The following SMAD1 variants were observed in gnomAD, a reference collection of about 807,000 sequenced individuals.
The protein encoded by SMAD1 is MAD, mothers against decapentaplegic homolog 1.
A neutral mutation model predicts 41.6 loss-of-function variants in SMAD1; 6 were observed. The ratio of observed to expected loss-of-function variants is 0.14; its 90% CI spans 0.08 to 0.28. The LOEUF (loss-of-function observed/expected upper bound fraction) is 0.28, where lower values mean the gene tolerates loss of function less well. Among genes scored for constraint, SMAD1 ranks in the 10% least tolerant of loss-of-function variants. The pLI is 1.00. For missense variants in SMAD1, 379 were observed against 582.6 expected (o/e 0.65, Z 3.60); for synonymous variants, 206 against 203.2 (o/e 1.01, Z -0.12).
chr4:145,530,042 A>G (rs1163486312), intron 2 of SMAD1, among the ~76,000 whole-genome samples: 2 of 152,234 alleles, frequency 1.3e-5, no homozygotes, highest in Non-Finnish European at 2.9e-5. Context: ...TTACAAACAT[A>G]TTGAAAAAAC....
intron 1 of SMAD1, among the ~76,000 whole-genome samples, chr4:145,484,996 T>C (rs903106202): frequency 6.6e-6 from 1 of 152,222 alleles, no homozygotes; most frequent in Admixed American, 6.5e-5. Flanking sequence ...TTTCTGACAA[T>C]CCTTATTTAG....
intron 2 of SMAD1, chr4:145,517,137 C>G (rs1447121804): frequency 6.6e-6 from 1 of 152,188 alleles, no homozygotes; most frequent in African/African-American, 2.4e-5. Context: ...CTACTTTTCC[C>G]TACTCTTGAG....
intron 1 of SMAD1, among the ~76,000 whole-genome samples, chr4:145,510,492 T>C (rs1730019217): frequency 6.6e-6 from 1 of 152,168 alleles, no homozygotes; most frequent in Non-Finnish European, 1.5e-5. Flanking sequence ...CCTCTATAAT[T>C]TCTTCTTTGA....
At chr4:145,528,820 G>A (rs372209176) in intron 2 of SMAD1, among the ~76,000 whole-genome samples, 5 of 152,174 alleles carry the variant, frequency 3.3e-5, no homozygotes, top group African/African-American at 9.7e-5. Context: ...ACCATAGCAC[G>A]GTGGCTAAGA....
At chr4:145,536,878 G>A (rs1386592245) in intron 2 of SMAD1, among the ~76,000 whole-genome samples, 1 of 152,068 alleles carries the variant, frequency 6.6e-6, no homozygotes, top group Non-Finnish European at 1.5e-5. Context: ...CAGACACATC[G>A]TGTGCTTCTG....
intron 6 of SMAD1, among the ~76,000 whole-genome samples, chr4:145,556,930 G>A (rs538634180): frequency 7.1e-4 from 108 of 152,134 alleles, no homozygotes; most frequent in African/African-American, 2.3e-3. Flanking sequence ...TGTCCATCTC[G>A]GCCTCCCAAA....
At chr4:145,484,796 C>T (rs1728387250) in intron 1 of SMAD1, 1 of 152,084 alleles carries the variant, frequency 6.6e-6, no homozygotes, top group Non-Finnish European at 1.5e-5. Context: ...CCTTAGGGAC[C>T]TTATAAAATA....
At chr4:145,517,565 T>A (rs1440058415) in intron 2 of SMAD1, among the ~76,000 whole-genome samples, 2 of 152,194 alleles carry the variant, frequency 1.3e-5, no homozygotes, top group Admixed American at 1.3e-4. Flanking sequence ...ACTATGTGTA[T>A]AATTAACATC....
intron 1 of SMAD1, chr4:145,503,947 C>G (rs897497264): frequency 6.6e-6 from 1 of 152,172 alleles, no homozygotes; most frequent in Non-Finnish European, 1.5e-5. Context: ...GGGATCGGCT[C>G]GGGCCACTGC....
At chr4:145,548,027 A>G (rs1578825645) in intron 5 of SMAD1, among the ~76,000 whole-genome samples, 1 of 152,160 alleles carries the variant, frequency 6.6e-6, no homozygotes. Context: ...GCTTACCCCT[A>G]GGCTGGGATA....
At chr4:145,510,032 A>T (rs987940255) in intron 1 of SMAD1, among the ~76,000 whole-genome samples, 1 of 152,204 alleles carries the variant, frequency 6.6e-6, no homozygotes, top group Non-Finnish European at 1.5e-5. Flanking sequence ...TCCTGTAGTG[A>T]AGATGACAGA....
rs567798644 is a variant in SMAD1 at position 145,482,514 on chromosome 4, C to T, written c.-177+476C>T. 6.6e-6 allele frequency: 1 copy of T among 151,784 alleles called. No individual in the cohort carries two copies. The highest frequency in any genetic ancestry group is 1.5e-5 in the Non-Finnish European group (1 of 67,944). The allele number at this position is 151,784 out of a possible 1,614,324, so 9.4% of individuals were successfully genotyped here. ...GTGTCCCCCGCGCCGGCGGGGCGAC[C>T]CCTGCGGGAGCTGGAGGACGACCGC... On this transcript the variant is annotated intron_variant, in intron 1 of 6. Coordinates refer to ENST00000302085, the MANE Select transcript of SMAD1 (RefSeq NM_005900.3). The surrounding 1 kb of genome is among the most constrained non-coding windows in gnomAD (Gnocchi z 4.2).
intron 1 of SMAD1, among the ~76,000 whole-genome samples, chr4:145,501,267 G>A (rs182248489): frequency 6.6e-6 from 1 of 152,340 alleles, no homozygotes; most frequent in East Asian, 1.9e-4. Context: ...TACTGAATTA[G>A]GAGGGAAGTG....
chr4:145,487,688 G>A (rs1023586154), intron 1 of SMAD1, among the ~76,000 whole-genome samples: 2 of 152,160 alleles, frequency 1.3e-5, no homozygotes, highest in Non-Finnish European at 2.9e-5. Flanking sequence ...TAGTATTAAT[G>A]TAATTGCTTA....
chr4:145,501,488 C>T (rs1032342855), intron 1 of SMAD1, among the ~76,000 whole-genome samples: 6 of 152,126 alleles, frequency 3.9e-5, no homozygotes, highest in Non-Finnish European at 7.3e-5. Flanking sequence ...GCTGAAGGAT[C>T]TAAATATAGG....
At chr4:145,513,656 G>T (rs1015395700) in intron 1 of SMAD1, among the ~76,000 whole-genome samples, 1 of 152,076 alleles carries the variant, frequency 6.6e-6, no homozygotes, top group Non-Finnish European at 1.5e-5. Flanking sequence ...TTTAGCCTAA[G>T]AAATATTTGT....
At chr4:145,492,342 G>A (rs1728814492) in intron 1 of SMAD1, among the ~76,000 whole-genome samples, 1 of 152,178 alleles carries the variant, frequency 6.6e-6, no homozygotes, top group Admixed American at 6.5e-5. Flanking sequence ...TCAAGTTGGG[G>A]CTCCTATGAC....
intron 1 of SMAD1, among the ~76,000 whole-genome samples, chr4:145,490,511 G>A (rs1341827379): frequency 1.3e-5 from 2 of 152,166 alleles, no homozygotes; most frequent in African/African-American, 4.8e-5. Context: ...CTGTATAGGA[G>A]ACTAGGTTAA....
intron 1 of SMAD1, among the ~76,000 whole-genome samples, chr4:145,510,855 TTA>T (rs1246747485): frequency 2.0e-5 from 3 of 152,202 alleles, no homozygotes; most frequent in Non-Finnish European, 4.4e-5. Context: ...GTCTTTTGCT[TTA>T]TGAATTTGAG....
Sources: gnomAD v4.1 joint callset for allele counts (sites outside exome capture counted in the v4.1 genomes callset) on GRCh38, gnomAD v4.1.1 for gene constraint, Gnocchi (gnomAD v3.1) non-coding constraint, MANE v1.5 for transcripts, NCBI Gene and HGNC (gene_info 2026-07-23, HGNC 2026-07-21) for gene names.